Variants in GRM7 observed in about 807,000 individuals in gnomAD.
GRM7 encodes the protein glutamate metabotropic receptor 7.
In GRM7, 35 loss-of-function variants were observed where a neutral mutation model predicts 84.5. The ratio of observed to expected loss-of-function variants is 0.41; its 90% CI spans 0.32 to 0.55. The LOEUF is 0.55. Ranked by LOEUF, GRM7 falls within the 20% of genes least tolerant of loss-of-function variation. The pLI, the probability that GRM7 is intolerant of heterozygous loss-of-function variation, is 0.19. For missense variants in GRM7, 1,003 were observed against 1,194.6 expected (o/e 0.84, Z 2.36); for synonymous variants, 487 against 455.1 (o/e 1.07, Z -0.89).
chr3:7,430,981 C>T (rs912816505), intron 5 of GRM7, among the ~76,000 whole-genome samples: 3 of 152,098 alleles, frequency 2.0e-5, no homozygotes, highest in African/African-American at 4.8e-5. Flanking sequence ...CCACCTAGAC[C>T]ACTCTGCATT....
At chr3:7,536,420 C>T (rs1167870566) in intron 7 of GRM7, among the ~76,000 whole-genome samples, 1 of 152,166 alleles carries the variant, frequency 6.6e-6, no homozygotes, top group African/African-American at 2.4e-5. Context: ...TTTCTCATTA[C>T]ATAAGGACTA....
chr3:7,551,272 A>AC (rs1693459258), intron 7 of GRM7, among the ~76,000 whole-genome samples: 1 of 152,090 alleles, frequency 6.6e-6, no homozygotes, highest in Non-Finnish European at 1.5e-5. Flanking sequence ...TTGCATACAG[A>AC]CCCCTTATAA....
intron 9 of GRM7, among the ~76,000 whole-genome samples, chr3:7,713,463 G>A (rs1182030416): frequency 2.6e-5 from 4 of 151,914 alleles, no homozygotes; most frequent in Non-Finnish European, 5.9e-5. Context: ...CTTTTCAGGG[G>A]ACACAATCCA....
At chr3:7,313,230 C>G (rs573386318) in intron 4 of GRM7, among the ~76,000 whole-genome samples, 2 of 152,202 alleles carry the variant, frequency 1.3e-5, no homozygotes, top group African/African-American at 4.8e-5. Context: ...CGCCCAGCCT[C>G]TCCTCCTGTT....
At position 7,052,503 on chromosome 3, in the gene GRM7, A is replaced by C. The variant is rs142902574; in HGVS notation, c.520-93949A>C. 6.0e-3 allele frequency among the ~76,000 whole-genome samples: 917 copies of C among 151,678 alleles called. 5 individuals are homozygous for C. Among genetic ancestry groups the C allele is most frequent in the Middle Eastern group, 0.024 (7 of 294 alleles). Reference sequence around the variant, plus strand: ...CAAAATCAAGATAGAGAACTCTTCCATTGTCCTCCAATTTTATTTGTTTTG... The same window carrying C: ...CAAAATCAAGATAGAGAACTCTTCCCTTGTCCTCCAATTTTATTTGTTTTG... On this transcript the variant is annotated intron_variant, in intron 1 of 9. Transcript: ENST00000357716.
At chr3:7,585,595 T>G (rs1490249385) in intron 8 of GRM7, among the ~76,000 whole-genome samples, 2 of 152,196 alleles carry the variant, frequency 1.3e-5, no homozygotes, top group Non-Finnish European at 2.9e-5. Flanking sequence ...GAGAAATTCC[T>G]GCTAAAAGGG....
At chr3:7,653,721 A>G (rs186026407) in intron 8 of GRM7, among the ~76,000 whole-genome samples, 1 of 152,332 alleles carries the variant, frequency 6.6e-6, no homozygotes, top group Admixed American at 6.5e-5. Context: ...TTCCAAAGAA[A>G]GGCATTCAAA....
intron 7 of GRM7, among the ~76,000 whole-genome samples, chr3:7,465,482 G>A (rs747452512): frequency 1.5e-5 from 2 of 131,886 alleles, no homozygotes; most frequent in East Asian, 3.9e-4. Flanking sequence ...CTCTCACCTG[G>A]GTTCCCAGAG....
chr3:7,105,689 T>G (rs1201191721), intron 1 of GRM7, among the ~76,000 whole-genome samples: 1 of 151,888 alleles, frequency 6.6e-6, no homozygotes, highest in African/African-American at 2.4e-5. Flanking sequence ...ATTTTCTTTC[T>G]TTCTTTTGAG....
intron 2 of GRM7, among the ~76,000 whole-genome samples, chr3:7,269,121 G>C (rs760638262): frequency 3.3e-5 from 5 of 152,218 alleles, no homozygotes; most frequent in Admixed American, 2.0e-4. Context: ...ACATGACCTG[G>C]AAGGCTGTGC....
At chr3:7,428,163 C>G (rs530380851) in intron 5 of GRM7, among the ~76,000 whole-genome samples, 1 of 152,286 alleles carries the variant, frequency 6.6e-6, no homozygotes, top group East Asian at 1.9e-4. Flanking sequence ...GAGCTCATTA[C>G]TCTAGGCTTT....
chr3:7,144,165 C>A (rs915239818), intron 1 of GRM7, among the ~76,000 whole-genome samples: 2 of 152,032 alleles, frequency 1.3e-5, no homozygotes, highest in Admixed American at 1.3e-4. Flanking sequence ...CTTTTTAATG[C>A]TTATTTAAAA....
intron 1 of GRM7, among the ~76,000 whole-genome samples, chr3:7,071,708 A>G (rs1697888580): frequency 6.6e-6 from 1 of 152,118 alleles, no homozygotes; most frequent in South Asian, 2.1e-4. Flanking sequence ...ATTGATTTGG[A>G]GTCACTTCAA....
intron 8 of GRM7, among the ~76,000 whole-genome samples, chr3:7,611,292 C>T (rs892817892): frequency 3.9e-5 from 6 of 151,948 alleles, no homozygotes; most frequent in South Asian, 2.1e-4. Flanking sequence ...AAACCGTTGC[C>T]GTAGTGTATC....
chr3:6,901,815 T>C (rs955959901), intron 1 of GRM7, among the ~76,000 whole-genome samples: 1 of 151,932 alleles, frequency 6.6e-6, no homozygotes, highest in Non-Finnish European at 1.5e-5. Flanking sequence ...CTTTAATCTT[T>C]TTTGCTTCCA....
chr3:6,878,446 T>G (rs1452939807), intron 1 of GRM7, among the ~76,000 whole-genome samples: 1 of 150,486 alleles, frequency 6.6e-6, no homozygotes, highest in Non-Finnish European at 1.5e-5. Context: ...AAACTGATCT[T>G]GAAACTCTAC....
chr3:7,686,245 A>C (rs943704722), intron 9 of GRM7: 11 of 567,478 alleles, frequency 1.9e-5, no homozygotes, highest in Non-Finnish European at 3.2e-5. Context: ...AGTGGGCATG[A>C]TGTGTATGGT....
At chr3:7,607,604 T>C (rs920539657) in intron 8 of GRM7, 1 of 152,078 alleles carries the variant, frequency 6.6e-6, no homozygotes, top group East Asian at 1.9e-4. Context: ...TTTTATCTTG[T>C]AACCAAAGTA....
intron 7 of GRM7, among the ~76,000 whole-genome samples, chr3:7,553,659 A>AAGGG (rs1693608381): frequency 6.6e-6 from 1 of 152,126 alleles, no homozygotes; most frequent in Non-Finnish European, 1.5e-5. Context: ...GTGCCAAGAG[A>AAGGG]AGGGGAGAAA....
Sources: allele counts gnomAD v4.1 joint callset (sites outside exome capture counted in the v4.1 genomes callset), GRCh38; gene constraint gnomAD v4.1.1; transcripts MANE v1.5; gene names NCBI Gene and HGNC (gene_info 2026-07-23, HGNC 2026-07-21).